SLC35F3: variants seen among roughly 807,000 people sequenced by gnomAD.
SLC35F3 encodes putative thiamine transporter SLC35F3.
SLC35F3 carries 25 observed loss-of-function variants against 49.9 expected under a neutral mutation model. The observed-to-expected ratio is 0.50, with a 90% CI of 0.37 to 0.70. The LOEUF (loss-of-function observed/expected upper bound fraction) is 0.70, where lower values mean the gene tolerates loss of function less well. Among genes scored for constraint, SLC35F3 ranks in the 30% least tolerant of loss-of-function variants. The probability of loss-of-function intolerance (pLI) is 0.00; values close to 1 mark genes in which losing one functional copy is unlikely to be tolerated. For synonymous variants in SLC35F3, 275 were observed against 265.4 expected (o/e 1.04, Z -0.35); for missense variants, 525 against 639.8 (o/e 0.82, Z 1.94).
At chr1:234,112,843 G>T (rs538294940) in intron 2 of SLC35F3, among the ~76,000 whole-genome samples, 5 of 145,020 alleles carry the variant, frequency 3.4e-5, no homozygotes, top group Admixed American at 7.3e-5. Flanking sequence ...CCAAAGTGCT[G>T]GGATTACAGG....
intron 2 of SLC35F3, among the ~76,000 whole-genome samples, chr1:234,129,127 G>A (rs193263964): frequency 3.9e-5 from 6 of 152,222 alleles, no homozygotes; most frequent in African/African-American, 7.2e-5. Context: ...GCTAGAAGAA[G>A]GCAAGTAGAA....
intron 2 of SLC35F3, among the ~76,000 whole-genome samples, chr1:234,036,645 C>T (rs1050733292): frequency 6.6e-6 from 1 of 152,208 alleles, no homozygotes; most frequent in Non-Finnish European, 1.5e-5. Context: ...CTATTCAGCT[C>T]CAGTCTTTTG....
intron 2 of SLC35F3, among the ~76,000 whole-genome samples, chr1:234,045,817 T>A (rs1460294112): frequency 3.3e-5 from 5 of 152,242 alleles, no homozygotes; most frequent in Non-Finnish European, 7.4e-5. Flanking sequence ...TCCATGCATA[T>A]TTTTATGCTT....
At chr1:234,070,222 G>A (rs1664692482) in intron 2 of SLC35F3, among the ~76,000 whole-genome samples, 1 of 152,180 alleles carries the variant, frequency 6.6e-6, no homozygotes, top group Non-Finnish European at 1.5e-5. Context: ...TTCCCCAGAA[G>A]GTTCTGACCT....
chr1:234,237,623 T>C (rs949568913), intron 3 of SLC35F3, among the ~76,000 whole-genome samples: 2 of 152,158 alleles, frequency 1.3e-5, no homozygotes, highest in African/African-American at 4.8e-5. Context: ...GTTGTTCCTA[T>C]CAACAGTTGT....
chr1:234,254,690 A>C (rs1056529823), intron 3 of SLC35F3, among the ~76,000 whole-genome samples: 2 of 152,274 alleles, frequency 1.3e-5, no homozygotes, highest in African/African-American at 4.8e-5. Context: ...TCAGTTTTCT[A>C]AATGGTGAGA....
At chr1:233,912,647 A>G (rs890746065) in intron 2 of SLC35F3, among the ~76,000 whole-genome samples, 2 of 152,214 alleles carry the variant, frequency 1.3e-5, no homozygotes, top group African/African-American at 2.4e-5. Context: ...TGAACCCAAT[A>G]TACACTATTT....
At chr1:233,994,210 C>T (rs755515616) in intron 2 of SLC35F3, among the ~76,000 whole-genome samples, 11 of 152,094 alleles carry the variant, frequency 7.2e-5, no homozygotes, top group African/African-American at 1.2e-4. Context: ...TAGATAAAAT[C>T]GTATGAGCCC....
rs982153628 is a variant in SLC35F3, at chr1:233,957,028, A to G, written c.283+51270A>G. ...CTGCTAGCCACAGGAGCTAACCAGG[A>G]CTGGATCACAACTGCTCCCAGGTAA... On this transcript the variant is annotated intron_variant, in intron 2 of 7. Coordinates refer to ENST00000366618, the MANE Select transcript of SLC35F3 (RefSeq NM_173508.4). This position sits in a 1 kb window ranked among gnomAD's most constrained non-coding sequence, Gnocchi z 4.0. Among the ~76,000 whole-genome samples, 3 of 152,208 alleles carry G rather than the reference A, an allele frequency of 2.0e-5. No homozygotes were observed. The highest frequency in any genetic ancestry group is 4.4e-5 in the Non-Finnish European group (3 of 68,034).
At chr1:234,141,823 C>G (rs1468937037) in intron 2 of SLC35F3, among the ~76,000 whole-genome samples, 1 of 150,676 alleles carries the variant, frequency 6.6e-6, no homozygotes, top group Admixed American at 6.6e-5. Flanking sequence ...TGCCCTTAGC[C>G]CTAACTCTTT....
At chr1:234,288,650 C>T (rs1473695799) in intron 3 of SLC35F3, among the ~76,000 whole-genome samples, 1 of 152,210 alleles carries the variant, frequency 6.6e-6, no homozygotes, top group Non-Finnish European at 1.5e-5. Flanking sequence ...TTGCTGATTG[C>T]TCAACTCATA....
At chr1:234,303,360 C>G (rs1322781756) in intron 3 of SLC35F3, among the ~76,000 whole-genome samples, 1 of 152,244 alleles carries the variant, frequency 6.6e-6, no homozygotes, top group East Asian at 1.9e-4. Context: ...AAGACTTCCT[C>G]AGAGAATCTC....
intron 3 of SLC35F3, among the ~76,000 whole-genome samples, chr1:234,297,290 C>T (rs894518884): frequency 1.3e-5 from 2 of 152,118 alleles, no homozygotes; most frequent in East Asian, 3.9e-4. Flanking sequence ...TCCAGAAATC[C>T]CGTTACTGGG....
intron 2 of SLC35F3, among the ~76,000 whole-genome samples, chr1:233,949,882 G>T (rs565409845): frequency 6.6e-6 from 1 of 152,138 alleles, no homozygotes. Flanking sequence ...AGACCCAAAA[G>T]CCGTACTTCA....
chr1:234,293,192 G>C (rs1668536171), intron 3 of SLC35F3, among the ~76,000 whole-genome samples: 1 of 152,156 alleles, frequency 6.6e-6, no homozygotes, highest in Non-Finnish European at 1.5e-5. Flanking sequence ...ACTGTCACTG[G>C]GTGTCCATAG....
chr1:234,269,944 G>A (rs1260613962), intron 3 of SLC35F3, among the ~76,000 whole-genome samples: 3 of 152,122 alleles, frequency 2.0e-5, no homozygotes, highest in Non-Finnish European at 4.4e-5. Flanking sequence ...CTGGTGTCAT[G>A]CTTCTTGTAC....
At chr1:234,126,272 A>G (rs1350239016) in intron 2 of SLC35F3, among the ~76,000 whole-genome samples, 1 of 152,130 alleles carries the variant, frequency 6.6e-6, no homozygotes, top group Non-Finnish European at 1.5e-5. Context: ...ATCTCTACCT[A>G]TTAAAGCCCT....
chr1:234,139,257 T>A (rs1665855043), intron 2 of SLC35F3, among the ~76,000 whole-genome samples: 1 of 152,206 alleles, frequency 6.6e-6, no homozygotes, highest in Admixed American at 6.5e-5. Context: ...TTGCATGTAG[T>A]TGTTCCTTTC....
chr1:234,307,325 T>C (rs1242669614), intron 3 of SLC35F3, among the ~76,000 whole-genome samples: 2 of 152,192 alleles, frequency 1.3e-5, no homozygotes, highest in South Asian at 2.1e-4. Flanking sequence ...AACATAGGAC[T>C]CTGTGTACAG....
Sources: allele counts gnomAD v4.1 joint callset (sites outside exome capture counted in the v4.1 genomes callset), GRCh38; gene constraint gnomAD v4.1.1; non-coding constraint Gnocchi (gnomAD v3.1); transcripts MANE v1.5; gene names NCBI Gene and HGNC (gene_info 2026-07-23, HGNC 2026-07-21).